Variants in ING3 observed in about 807,000 individuals in gnomAD.
ING3 encodes inhibitor of growth protein 3.
Under a neutral mutation model 64.8 loss-of-function variants are expected in ING3, and 6 were observed. The observed-to-expected ratio is 0.09, with a 90% CI of 0.05 to 0.18. The LOEUF is 0.18. ING3 is among the 10% of genes least tolerant of loss of function. The probability of loss-of-function intolerance (pLI) is 1.00; values close to 1 mark genes in which losing one functional copy is unlikely to be tolerated. For missense variants in ING3, 310 were observed against 489.7 expected (o/e 0.63, Z 3.46); for synonymous variants, 170 against 173.7 (o/e 0.98, Z 0.17).
intron 11 of ING3, among the ~76,000 whole-genome samples, chr7:120,974,395 T>C (rs914592643): frequency 1.3e-5 from 2 of 152,210 alleles, no homozygotes; most frequent in Admixed American, 6.5e-5. Flanking sequence ...TCTTAAGTTA[T>C]ATTTACCTTC....
chr7:120,956,232 G>A (rs1469158046), intron 4 of ING3: 10 of 1,582,626 alleles, frequency 6.3e-6, no homozygotes, highest in Non-Finnish European at 7.7e-6. Flanking sequence ...TGATGCAATT[G>A]TGGTGCTCTT....
chr7:120,964,625 G>A (rs1795974864), intron 4 of ING3, 117 bp from the exon 5 acceptor site: 1 of 699,610 alleles, frequency 1.4e-6, no homozygotes, highest in Non-Finnish European at 2.5e-6. Context: ...TAATTGACTT[G>A]CTCAAGGATA....
chr7:120,961,838 A>G (rs374179763), intron 4 of ING3, among the ~76,000 whole-genome samples: 1 of 152,214 alleles, frequency 6.6e-6, no homozygotes, highest in African/African-American at 2.4e-5. Context: ...TGTTGACATT[A>G]ACTGGGAAAA....
Position 120,962,934 on chromosome 7 carries a change from T to G in ING3, c.268-1808T>G, listed in dbSNP as rs554639111. Reference sequence around the variant, plus strand: ...TTTGTCAGCTAAATTCTAATTCCTATGAAGGCAATGATTCTCTTCCATTCT... The same window carrying G: ...TTTGTCAGCTAAATTCTAATTCCTAGGAAGGCAATGATTCTCTTCCATTCT... On this transcript the variant is annotated intron_variant, in intron 4 of 11. Coordinates refer to ENST00000315870, the MANE Select transcript of ING3 (RefSeq NM_019071.3). Among the ~76,000 whole-genome samples, 6 of 152,270 alleles carry G rather than the reference T, an allele frequency of 3.9e-5. No homozygotes were observed. In the East Asian group the frequency reaches 1.2e-3, roughly 29 times the overall value.
chr7:120,976,963 C>G lies in ING3; in HGVS notation c.*2119C>G, dbSNP rs546396325. ...AACATGGAACTACCTCATCAACCCCCCAAAAATGTGGCCAACTATTAATAT... is the reference window on the plus strand; with the variant it reads ...AACATGGAACTACCTCATCAACCCCGCAAAAATGTGGCCAACTATTAATAT... On this transcript the variant is annotated 3_prime_UTR_variant, in exon 12 of 12. Transcript: ENST00000315870. The G allele has an allele frequency of 3.3e-5, 5 of 152,276 alleles. No individual in the cohort carries two copies. The highest frequency in any genetic ancestry group is 1.2e-4 in the African/African-American group (5 of 41,556). The allele number at this position is 152,276 out of a possible 1,614,324, so 9.4% of individuals were successfully genotyped here.
rs1796017664 is a variant in ING3, at chr7:120,967,959, C to T, written c.582C>T (p.Ala194=). The change falls in exon 8 of 12, where the codon GCC becomes GCT. Residue 194 remains alanine (A), a synonymous_variant. Transcript: ENST00000315870. ...TLGCRNNNST[A]SSNNAYNVNS... ...GTTGTCGAAATAATAATTCCACAGC[C>T]TCTTCTAACAATGCCTACAATGTGA... 6.2e-7 allele frequency: 1 copy of T among 1,613,872 alleles called. No homozygotes were observed. The highest frequency in any genetic ancestry group is 1.3e-5 in the African/African-American group (1 of 74,874).
intron 10 of ING3, among the ~76,000 whole-genome samples, chr7:120,972,207 T>G (rs551703685): frequency 1.3e-5 from 2 of 152,156 alleles, no homozygotes; most frequent in Non-Finnish European, 2.9e-5. Flanking sequence ...GCTTTCTCTT[T>G]GGCTCTTCTT....
intron 1 of ING3, 25 bp from the exon 2 acceptor site, chr7:120,951,139 C>T (rs776252766): frequency 5.6e-6 from 9 of 1,613,240 alleles, no homozygotes; most frequent in South Asian, 4.4e-5. Flanking sequence ...GGCCCCGCCC[C>T]TCTGACGGAC....
chr7:120,961,422 G>T (rs1366921333), intron 4 of ING3, among the ~76,000 whole-genome samples: 1 of 152,120 alleles, frequency 6.6e-6, no homozygotes, highest in Non-Finnish European at 1.5e-5. Flanking sequence ...TGCCTCTTCC[G>T]ATAGGGCAAG....
chr7:120,969,064 G>A lies in ING3; in HGVS notation c.768G>A (p.Lys256=). 1 of 1,613,926 alleles carries A rather than the reference G, an allele frequency of 6.2e-7. No homozygotes were observed. ...TAAAAGCCAGTTATGAAGCATTTAA[G>A]AATAATGACTTTCAGTTGGGAAAAG... ...SSLKASYEAF[K]NNDFQLGKEF... Residue 256 remains lysine, a synonymous_variant, in exon 9 of 12, where the codon AAG becomes AAA. Coordinates refer to ENST00000315870, the MANE Select transcript of ING3 (RefSeq NM_019071.3).
chr7:120,969,255 A>G, intron 9 of ING3, 51 bp downstream of exon 9: 6 of 1,428,278 alleles, frequency 4.2e-6, no homozygotes, highest in South Asian at 1.3e-5. Flanking sequence ...CACTTGGTCT[A>G]CTTGACACTT....
At position 120,962,865 on chromosome 7, in the gene ING3, T is replaced by A. The variant is rs538466962; in HGVS notation, c.268-1877T>A. 4.6e-5 allele frequency among the ~76,000 whole-genome samples: 7 copies of A among 152,276 alleles called. No individual in the cohort carries two copies. The East Asian group carries it at 1.3e-3, about 29-fold the overall frequency. Reference sequence around the variant, plus strand: ...TTGCTTATTTGTGACATCTAGACTATATTTTTATCCCTTATTATATTAAAA... The same window carrying A: ...TTGCTTATTTGTGACATCTAGACTAAATTTTTATCCCTTATTATATTAAAA... On this transcript the variant is annotated intron_variant, in intron 4 of 11. Transcript: ENST00000315870.
At chr7:120,961,315 C>G (rs574556335) in intron 4 of ING3, among the ~76,000 whole-genome samples, 43 of 152,200 alleles carry the variant, frequency 2.8e-4, no homozygotes, top group African/African-American at 9.6e-4. Context: ...TTCTTCTTCC[C>G]CAATTTACCC....
Position 120,970,718 on chromosome 7 carries a change from A to G in ING3, c.939A>G (p.Ser313=), listed in dbSNP as rs1796060156. 4 of 1,613,606 alleles carry G rather than the reference A, an allele frequency of 2.5e-6. No individual in the cohort carries two copies. Among genetic ancestry groups the G allele is most frequent in the Admixed American group, 1.7e-5 (1 of 60,002 alleles). Residue 313 remains serine, a synonymous_variant, in exon 10 of 12, where the codon TCA becomes TCG. Coordinates refer to ENST00000315870, the MANE Select transcript of ING3 (RefSeq NM_019071.3). The part of the protein sequence containing the change: ...KNNNKSSSQQ[S]SSSSSSSSLS... ...ACAACAAGTCTTCAAGCCAGCAGTCATCATCTTCCTCCTCCTCTTCTTCCT... is the reference window on the plus strand; with the variant it reads ...ACAACAAGTCTTCAAGCCAGCAGTCGTCATCTTCCTCCTCCTCTTCTTCCT...
chr7:120,975,889 T>C lies in ING3; in HGVS notation c.*1045T>C, dbSNP rs1314186021. The C allele has an allele frequency of 6.6e-6, 1 of 152,144 alleles. No individual in the cohort carries two copies. The highest frequency in any genetic ancestry group is 1.9e-4 in the East Asian group (1 of 5,186). The allele number at this position is 152,144 out of a possible 1,614,324, so 9.4% of individuals were successfully genotyped here. The stretch of plus-strand genomic sequence containing the variant: ...GAACATCATCTGGCTTTTCCTTCAG[T>C]CTAAAAGACATGAAAGAAGTGTAAG... On this transcript the variant is annotated 3_prime_UTR_variant, in exon 12 of 12. Coordinates refer to ENST00000315870, the MANE Select transcript of ING3 (RefSeq NM_019071.3).
In ING3 at chr7:120,966,690, A is replaced by G. The variant is rs368248838; in HGVS notation, c.429A>G (p.Pro143=). 3.1e-6 allele frequency: 5 copies of G among 1,611,338 alleles called. No homozygotes were observed. The Admixed American group carries it at 6.7e-5, about 21-fold the overall frequency. The part of the protein sequence containing the change: ...VNNHHAHSHT[P]VEKRKYNPTS... The stretch of plus-strand genomic sequence containing the variant: ...ATCACCATGCTCATTCACATACTCC[A>G]GTGGAAAGTAAGTTTGGTGTAGTGC... The change falls in exon 6 of 12, where the codon CCA becomes CCG. Residue 143 remains proline, a synonymous_variant. Coordinates refer to ENST00000315870, the MANE Select transcript of ING3 (RefSeq NM_019071.3).
At chr7:120,956,878 G>C in intron 4 of ING3, 3 of 868,258 alleles carry the variant, frequency 3.5e-6, no homozygotes, top group Non-Finnish European at 4.1e-6. Context: ...TCTATTCTTT[G>C]TTTTGTTTAT....
intron 1 of ING3, 70 bp downstream of exon 1, chr7:120,950,994 A>G (rs1369430688): frequency 2.8e-5 from 36 of 1,275,390 alleles, no homozygotes; most frequent in Non-Finnish European, 4.0e-5. Flanking sequence ...GTGGACGGGC[A>G]GCGAGATGGC....
chr7:120,953,544 G>C (rs567096985), intron 3 of ING3, 140 bp downstream of exon 3: 3 of 576,786 alleles, frequency 5.2e-6, no homozygotes, highest in African/African-American at 4.0e-5. Context: ...ATTTATTGTG[G>C]TTTAGAGCTT....
Sources: gnomAD v4.1 joint callset for allele counts (sites outside exome capture counted in the v4.1 genomes callset) on GRCh38, gnomAD v4.1.1 for gene constraint, MANE v1.5 for transcripts, NCBI Gene and HGNC (gene_info 2026-07-23, HGNC 2026-07-21) for gene names.